The following SOX6 variants were observed in gnomAD, a reference collection of about 807,000 sequenced individuals.
The protein encoded by SOX6 is transcription factor SOX-6.
Under a neutral mutation model 97.8 loss-of-function variants are expected in SOX6, and 11 were observed. The ratio of observed to expected loss-of-function variants is 0.11; its 90% CI spans 0.07 to 0.19. The LOEUF (loss-of-function observed/expected upper bound fraction) is 0.19. Among genes scored for constraint, SOX6 ranks in the 10% least tolerant of loss-of-function variants. The pLI is 1.00. For synonymous variants in SOX6, 360 were observed against 371.4 expected, an observed-to-expected ratio of 0.97 and a Z score of 0.35; for missense variants, 810 against 1,039.5, an observed-to-expected ratio of 0.78 and a Z score of 3.04.
intron 1 of SOX6, among the ~76,000 whole-genome samples, chr11:16,472,057 T>G (rs140480799): frequency 2.2e-4 from 34 of 152,286 alleles, no homozygotes; most frequent in African/African-American, 8.2e-4. Context: ...CTTTGTTAAG[T>G]CAAAAGAAAG....
chr11:16,166,856 C>G (rs371725165), intron 6 of SOX6, among the ~76,000 whole-genome samples: 3 of 152,062 alleles, frequency 2.0e-5, no homozygotes, highest in Non-Finnish European at 4.4e-5. Context: ...AAGTATGAGT[C>G]GTGTTCTGAA....
intron 1 of SOX6, among the ~76,000 whole-genome samples, chr11:16,737,795 CAG>C (rs1023798510): frequency 6.6e-6 from 1 of 152,074 alleles, no homozygotes; most frequent in Non-Finnish European, 1.5e-5. Context: ...TTCTTGGAAT[CAG>C]AGGTGACAGC....
At chr11:16,644,128 C>T (rs545719465) in intron 3 of SOX6, among the ~76,000 whole-genome samples, 5 of 152,286 alleles carry the variant, frequency 3.3e-5, no homozygotes, top group Admixed American at 1.3e-4. Context: ...GCAGCCTCAA[C>T]CTCCCAGGCT....
rs141365024 is a variant in SOX6, at chr11:16,520,807, C to A, written n.610-44419G>T. 3.1e-3 allele frequency among the ~76,000 whole-genome samples: 475 copies of A among 152,346 alleles called. 4 individuals are homozygous for A. Among genetic ancestry groups the A allele is most frequent in the African/African-American group, 0.011 (448 of 41,586 alleles). ...GTGCTTTTCCAATGGGCTTAAAAAACGGCACACCAGGAGATTATATCCAGC... is the reference window on the plus strand; with the variant it reads ...GTGCTTTTCCAATGGGCTTAAAAAAAGGCACACCAGGAGATTATATCCAGC... On this transcript the variant is annotated intron_variant and non_coding_transcript_variant, in intron 4 of 5. Transcript: ENST00000524520.
At chr11:16,561,346 A>G (rs994455848) in intron 4 of SOX6, among the ~76,000 whole-genome samples, 2 of 152,038 alleles carry the variant, frequency 1.3e-5, no homozygotes, top group African/African-American at 4.8e-5. Context: ...ATACTGCTTC[A>G]CCTACTGTAA....
chr11:16,450,380 A>G (rs1231330082), intron 1 of SOX6, among the ~76,000 whole-genome samples: 1 of 152,226 alleles, frequency 6.6e-6, no homozygotes, highest in Non-Finnish European at 1.5e-5. Flanking sequence ...TTGATACGTT[A>G]ACAACAAAGA....
intron 4 of SOX6, among the ~76,000 whole-genome samples, chr11:16,574,714 T>C (rs1336541913): frequency 2.6e-5 from 4 of 152,272 alleles, no homozygotes; most frequent in African/African-American, 9.6e-5. Flanking sequence ...ACAGTTCATA[T>C]ACAGAATTGT....
In SOX6 at chr11:16,318,636, CTTA is replaced by C. The variant is rs1252662135; in HGVS notation, c.252_254del (p.Asn84del). The C allele has an allele frequency of 8.7e-6, 14 of 1,612,398 alleles. No individual in the cohort carries two copies. The highest frequency in any genetic ancestry group is 1.2e-5 in the Non-Finnish European group (14 of 1,178,898). ...TTCGGAAGGAATATAGGGAACATAA[CTTA>C]TTATTCTCTGATTCCTAGAAAAATA... On this transcript the variant is annotated inframe_deletion, in exon 3 of 16. Coordinates refer to ENST00000683767, the MANE Select transcript of SOX6 (RefSeq NM_001367873.1).
intron 4 of SOX6, among the ~76,000 whole-genome samples, chr11:16,524,745 C>A (rs1473350613): frequency 1.3e-5 from 2 of 152,274 alleles, no homozygotes; most frequent in South Asian, 4.1e-4. Context: ...ATTGTCTCAG[C>A]CCAAAATCTC....
intron 9 of SOX6, among the ~76,000 whole-genome samples, chr11:16,072,682 T>G (rs1222955676): frequency 6.6e-6 from 1 of 152,088 alleles, no homozygotes; most frequent in Non-Finnish European, 1.5e-5. Flanking sequence ...GAAAAAATGT[T>G]AAAGGCAGCT....
At chr11:16,492,839 T>A (rs568599902) in intron 4 of SOX6, among the ~76,000 whole-genome samples, 3 of 152,132 alleles carry the variant, frequency 2.0e-5, no homozygotes, top group Non-Finnish European at 4.4e-5. Flanking sequence ...TAAAAGAGGA[T>A]TTCTATATGG....
At chr11:16,146,271 A>G (rs1434670090) in intron 6 of SOX6, among the ~76,000 whole-genome samples, 4 of 152,220 alleles carry the variant, frequency 2.6e-5, no homozygotes, top group Non-Finnish European at 5.9e-5. Flanking sequence ...CTATTTAATA[A>G]ATGGTGCTGG....
chr11:16,603,700 G>C (rs1482939947), intron 4 of SOX6, among the ~76,000 whole-genome samples: 2 of 152,290 alleles, frequency 1.3e-5, no homozygotes, highest in South Asian at 2.1e-4. Context: ...TATGTTGCCA[G>C]ATTTTCTCTG....
intron 6 of SOX6, among the ~76,000 whole-genome samples, chr11:16,122,290 T>A (rs1849512345): frequency 6.6e-6 from 1 of 152,014 alleles, no homozygotes; most frequent in Non-Finnish European, 1.5e-5. Flanking sequence ...ACTTTAGATA[T>A]TTCCAAAGAC....
At chr11:16,103,710 T>A (rs1849006780) in intron 7 of SOX6, among the ~76,000 whole-genome samples, 1 of 151,852 alleles carries the variant, frequency 6.6e-6, no homozygotes, top group Non-Finnish European at 1.5e-5. Flanking sequence ...GGGAATGAAA[T>A]AATGGCATTC....
At chr11:15,976,036 C>T (rs1272711995) in intron 15 of SOX6, among the ~76,000 whole-genome samples, 2 of 152,136 alleles carry the variant, frequency 1.3e-5, no homozygotes, top group African/African-American at 4.8e-5. Context: ...ATATATATGG[C>T]TGTTTTAAGC....
intron 4 of SOX6, among the ~76,000 whole-genome samples, chr11:16,580,180 T>C (rs1848019409): frequency 6.6e-6 from 1 of 152,148 alleles, no homozygotes; most frequent in South Asian, 2.1e-4. Flanking sequence ...ATCCACATTT[T>C]AATTAAGATC....
chr11:15,989,579 A>AT (rs1371532637), intron 13 of SOX6, among the ~76,000 whole-genome samples: 1 of 152,144 alleles, frequency 6.6e-6, no homozygotes, highest in African/African-American at 2.4e-5. Flanking sequence ...TTTTAGACTC[A>AT]TTTGCCCCAG....
At chr11:16,150,741 T>C (rs1850437759) in intron 6 of SOX6, among the ~76,000 whole-genome samples, 2 of 152,164 alleles carry the variant, frequency 1.3e-5, no homozygotes, top group Admixed American at 1.3e-4. Flanking sequence ...TATTAAGCCA[T>C]TTTTTTGCAT....
Sources: allele counts gnomAD v4.1 joint callset (sites outside exome capture counted in the v4.1 genomes callset), GRCh38; gene constraint gnomAD v4.1.1; transcripts MANE v1.5; gene names NCBI Gene and HGNC (gene_info 2026-07-23, HGNC 2026-07-21).